Variants in SETD7 observed in about 807,000 individuals in gnomAD.
SETD7 encodes the protein SET domain containing 7, histone lysine methyltransferase.
A neutral mutation model predicts 41.8 loss-of-function variants in SETD7; 16 were observed. The ratio of observed to expected loss-of-function variants is 0.38; its 90% confidence interval spans 0.26 to 0.58. SETD7 has a LOEUF of 0.58. Among genes scored for constraint, SETD7 ranks in the 20% least tolerant of loss-of-function variants. SETD7 has a pLI of 0.64. For synonymous variants in SETD7, 163 were observed against 169.7 expected (o/e 0.96, Z 0.31); for missense variants, 346 against 459.7 (o/e 0.75, Z 2.26).
chr4:139,509,556 T>C lies in SETD7; in HGVS notation c.*2107A>G, dbSNP rs961058417. The C allele has an allele frequency of 4.5e-6, 1 of 223,012 alleles. No homozygotes were observed. Among genetic ancestry groups the C allele is most frequent in the Admixed American group, 6.5e-5 (1 of 15,366 alleles). The allele number at this position is 223,012 out of a possible 1,614,324, so 13.8% of individuals were successfully genotyped here. On this transcript the variant is annotated 3_prime_UTR_variant, in exon 8 of 8. Coordinates refer to ENST00000274031, the MANE Select transcript of SETD7 (RefSeq NM_030648.4). Reference sequence around the variant, plus strand: ...TGAAATCATTCAGAGCATAGCTGCATCGGGGGCATGACCAGCACTATCCTC... The same window carrying C: ...TGAAATCATTCAGAGCATAGCTGCACCGGGGGCATGACCAGCACTATCCTC...
At chr4:139,498,121 T>C (rs1726500529) in intron 7 of SETD7, among the ~76,000 whole-genome samples, 1 of 152,044 alleles carries the variant, frequency 6.6e-6, no homozygotes, top group Admixed American at 6.5e-5. Flanking sequence ...AACTGCGGAG[T>C]TCATCCCTGA....
chr4:139,514,177 T>C (rs1726955989), intron 7 of SETD7, among the ~76,000 whole-genome samples: 1 of 151,990 alleles, frequency 6.6e-6, no homozygotes, highest in Admixed American at 6.6e-5. Flanking sequence ...ACCAGCTACT[T>C]GGGAGGCTAA....
rs1229594077 is a variant in SETD7, at chr4:139,556,173, G to A, written c.-36C>T. On this transcript the variant is annotated 5_prime_UTR_variant, in exon 1 of 8. Coordinates refer to ENST00000274031, the MANE Select transcript of SETD7 (RefSeq NM_030648.4). Reference sequence around the variant, plus strand: ...GACACTGCCCAGCTCGGGGCTGCGCGGCTGCCTCCCGTCCCTCTGGGTGCT... The same window carrying A: ...GACACTGCCCAGCTCGGGGCTGCGCAGCTGCCTCCCGTCCCTCTGGGTGCT... The A allele has an allele frequency of 1.3e-6, 2 of 1,579,798 alleles. No individual in the cohort carries two copies. Among genetic ancestry groups the A allele is most frequent in the African/African-American group, 1.4e-5 (1 of 73,220 alleles).
chr4:139,535,285 A>C (rs967938676), intron 2 of SETD7, among the ~76,000 whole-genome samples: 1 of 152,206 alleles, frequency 6.6e-6, no homozygotes, highest in Non-Finnish European at 1.5e-5. Flanking sequence ...ACAACAAATA[A>C]TTTTTTAGTT....
chr4:139,512,527 C>T (rs150115448), intron 7 of SETD7, among the ~76,000 whole-genome samples: 52 of 152,228 alleles, frequency 3.4e-4, no homozygotes, highest in African/African-American at 8.9e-4. Context: ...GGACCAGAAA[C>T]GAGGTTAACA....
At position 139,509,359 on chromosome 4, in the gene SETD7, T is replaced by C. The variant is rs1726802530; in HGVS notation, c.*2304A>G. The C allele has an allele frequency of 6.6e-6, 1 of 152,198 alleles. No homozygotes were observed. The highest frequency in any genetic ancestry group is 1.5e-5 in the Non-Finnish European group (1 of 68,040). The allele number at this position is 152,198 out of a possible 1,614,324, so 9.4% of individuals were successfully genotyped here. A position where few individuals can be genotyped will look rare whatever the true frequency, so the allele number is the denominator to read the frequency against. On this transcript the variant is annotated 3_prime_UTR_variant, in exon 8 of 8. Transcript: ENST00000274031. The stretch of plus-strand genomic sequence containing the variant: ...TTAAGCTCAGAGTGTTACCATTCAA[T>C]ATCTCATCTGAAGAACTGATTAGCA...
At chr4:139,548,459 C>T (rs11100131) in intron 1 of SETD7, among the ~76,000 whole-genome samples, 38,132 of 151,972 alleles carry the variant, frequency 0.25, 5,011 homozygotes, top group East Asian at 0.47. Flanking sequence ...AGTGAAACCC[C>T]GTCTTTACTA....
chr4:139,502,331 A>G (rs975694474), downstream of SETD7, among the ~76,000 whole-genome samples: 1 of 152,218 alleles, frequency 6.6e-6, no homozygotes, highest in East Asian at 1.9e-4. Flanking sequence ...CATGGTGAAA[A>G]ATAAAGGAGG....
downstream of SETD7, among the ~76,000 whole-genome samples, chr4:139,494,743 TGGAATTCA>T (rs1726421925): frequency 6.6e-6 from 1 of 152,266 alleles, no homozygotes; most frequent in Non-Finnish European, 1.5e-5. Context: ...CTTATGCCTA[TGGAATTCA>T]GGAATTCTGA....
chr4:139,539,158 C>T (rs976869528), intron 2 of SETD7, among the ~76,000 whole-genome samples: 1 of 152,088 alleles, frequency 6.6e-6, no homozygotes, highest in African/African-American at 2.4e-5. Context: ...CCTTCCGCCT[C>T]CTGGGGCCTA....
intron 2 of SETD7, among the ~76,000 whole-genome samples, chr4:139,542,099 A>T (rs1727795585): frequency 6.6e-6 from 1 of 152,242 alleles, no homozygotes; most frequent in Non-Finnish European, 1.5e-5. Flanking sequence ...AATATGAATG[A>T]TCCTAGAGGA....
At chr4:139,495,486 T>A (rs370679803), downstream of SETD7, among the ~76,000 whole-genome samples, 2 of 152,062 alleles carry the variant, frequency 1.3e-5, no homozygotes, top group African/African-American at 4.8e-5. Context: ...CAGTTCTGCA[T>A]GGCTGGGGAG....
In SETD7 at chr4:139,511,431, A is replaced by C. The variant is rs767641903; in HGVS notation, c.*232T>G. 491 of 598,972 alleles carry C rather than the reference A, an allele frequency of 8.2e-4. No individual in the cohort carries two copies. The highest frequency in any genetic ancestry group is 1.2e-3 in the Non-Finnish European group (458 of 371,992). 37.1% of individuals were successfully genotyped at this position (598,972 alleles called of 1,614,324 possible). A position where few individuals can be genotyped will look rare whatever the true frequency, so the allele number is the denominator to read the frequency against. On this transcript the variant is annotated 3_prime_UTR_variant, in exon 8 of 8. Transcript: ENST00000274031. ...AAAGAACATCACGCTGTCTTATGTC[A>C]AATGCTCGACAATACCTCTCAGTAG...
intron 4 of SETD7, among the ~76,000 whole-genome samples, chr4:139,528,309 C>T (rs887533513): frequency 9.2e-5 from 14 of 152,194 alleles, no homozygotes; most frequent in Non-Finnish European, 1.5e-5. Flanking sequence ...ATGTTGGGCT[C>T]GAGATGCCAA....
downstream of SETD7, among the ~76,000 whole-genome samples, chr4:139,502,816 CTATG>C (rs1016705726): frequency 3.3e-5 from 5 of 152,032 alleles, no homozygotes; most frequent in African/African-American, 1.2e-4. Context: ...GATGGAGAAG[CTATG>C]CTGGAAATCC....
chr4:139,514,620 G>A (rs1379842070), intron 7 of SETD7, among the ~76,000 whole-genome samples: 2 of 152,144 alleles, frequency 1.3e-5, no homozygotes, highest in South Asian at 2.1e-4. Flanking sequence ...TGATAGCAGT[G>A]GCCTCACTGA....
intron 4 of SETD7, among the ~76,000 whole-genome samples, chr4:139,528,009 C>A (rs748546806): frequency 1.9e-4 from 29 of 152,152 alleles, no homozygotes; most frequent in Non-Finnish European, 2.2e-4. Context: ...TATTAATGCC[C>A]AGATTTATTG....
intron 2 of SETD7, among the ~76,000 whole-genome samples, chr4:139,542,038 A>G (rs974876605): frequency 6.6e-6 from 1 of 152,250 alleles, no homozygotes; most frequent in Admixed American, 6.5e-5. Flanking sequence ...ATACGTACAC[A>G]ATGGTATACT....
chr4:139,521,201 G>T (rs1727172990), intron 5 of SETD7, among the ~76,000 whole-genome samples: 1 of 152,150 alleles, frequency 6.6e-6, no homozygotes, highest in South Asian at 2.1e-4. Flanking sequence ...TGAGGCGGGT[G>T]GATTACCTGA....
Sources: allele counts gnomAD v4.1 joint callset (sites outside exome capture counted in the v4.1 genomes callset), GRCh38; gene constraint gnomAD v4.1.1; transcripts MANE v1.5; gene names NCBI Gene and HGNC (gene_info 2026-07-23, HGNC 2026-07-21).